NLRP7: variants seen among roughly 807,000 people sequenced by gnomAD.
NLRP7 encodes the protein NLR family pyrin domain containing 7.
Under a neutral mutation model 85.5 loss-of-function variants are expected in NLRP7, and 72 were observed. The observed-to-expected ratio is 0.84, with a 90% CI of 0.70 to 1.02. The LOEUF (loss-of-function observed/expected upper bound fraction) is 1.02. NLRP7 is among the 50% of genes least tolerant of loss of function. The probability of loss-of-function intolerance (pLI) is 0.00; values close to 1 mark genes in which losing one functional copy is unlikely to be tolerated. For missense variants in NLRP7, 1,243 were observed against 1,219.5 expected (o/e 1.02, Z -0.29); for synonymous variants, 550 against 505.2 (o/e 1.09, Z -1.19).
upstream of NLRP7, among the ~76,000 whole-genome samples, chr19:54,951,521 G>C (rs747043109): frequency 1.3e-5 from 2 of 152,036 alleles, no homozygotes; most frequent in Non-Finnish European, 2.9e-5. Flanking sequence ...CTGCACTCCA[G>C]CCTGGGTGCA....
chr19:54,935,260 C>T (rs971341475), intron 6 of NLRP7, among the ~76,000 whole-genome samples: 8 of 151,888 alleles, frequency 5.3e-5, no homozygotes, highest in African/African-American at 1.5e-4. Context: ...GACAGGATCT[C>T]GCTCTGTTGC....
chr19:54,937,900 CAAAA>C (rs59058059), intron 5 of NLRP7, 140 bp downstream of exon 5: 2,695 of 504,818 alleles, frequency 5.3e-3, no homozygotes, highest in Middle Eastern at 7.3e-3. Context: ...TCCGTCTCAC[CAAAA>C]AAAAAAAAAA....
Position 54,934,496 on chromosome 19 carries a change from T to G in NLRP7, c.2464A>C (p.Met822Leu). The stretch of plus-strand genomic sequence containing the variant: ...TGGGAAGAGGAGACTTACGACAACA[T>G]CTGCAGGAAGTGTTTTGGGCGTGTC... Residue 822 changes from methionine to leucine, a missense_variant, in exon 7 of 10, where the codon ATG becomes CTG. Met to Leu is a conservative substitution (Grantham distance 15, BLOSUM62 2). This residue lies in a region of NLRP7 where 613 missense variants were observed against 588.4 expected (regional missense o/e 1.04). Transcript: ENST00000340844. The surrounding 1 kb of genome is among the most constrained non-coding windows in gnomAD (Gnocchi z 6.7). The G allele has an allele frequency of 6.2e-7, 1 of 1,614,054 alleles. No homozygotes were observed. Among genetic ancestry groups the G allele is most frequent in the Non-Finnish European group, 8.5e-7 (1 of 1,179,970 alleles).
upstream of NLRP7, among the ~76,000 whole-genome samples, chr19:54,951,504 C>T (rs1439026727): frequency 1.3e-5 from 2 of 151,862 alleles, no homozygotes; most frequent in African/African-American, 4.8e-5. Context: ...GAGCCGAGGT[C>T]GCACGACTGC....
chr19:54,939,377 G>A (rs755546429), exon 4 of NLRP7: 3 of 1,613,994 alleles, frequency 1.9e-6, no homozygotes, highest in Admixed American at 3.3e-5. Flanking sequence ...CTTCTCCAGG[G>A]CGTAGAACAG....
chr19:54,930,551 A>G (rs1255981860), exon 9 of NLRP7: 3 of 1,612,804 alleles, frequency 1.9e-6, no homozygotes, highest in Admixed American at 1.7e-5. Context: ...CAGAGAATCC[A>G]CAATCCACGA....
At chr19:54,962,790 G>C (rs530616398) in intron 1 of NLRP7, among the ~76,000 whole-genome samples, 3 of 150,192 alleles carry the variant, frequency 2.0e-5, no homozygotes, top group Admixed American at 6.7e-5. Flanking sequence ...TAGTAGAGAC[G>C]GGGTTTCACC....
intron 1 of NLRP7, 52 bp from the exon 2 acceptor site, chr19:54,941,802 C>A: frequency 7.4e-7 from 1 of 1,343,590 alleles, no homozygotes; most frequent in Non-Finnish European, 1.0e-6. Flanking sequence ...TTAAATGAAA[C>A]CACAGTTTCC....
At chr19:54,951,370 A>G (rs2069662474), upstream of NLRP7, among the ~76,000 whole-genome samples, 1 of 152,018 alleles carries the variant, frequency 6.6e-6, no homozygotes, top group African/African-American at 2.4e-5. Context: ...AGCATGGTGA[A>G]ACTGCGTCTC....
chr19:54,940,911 A>G lies in NLRP7; in HGVS notation c.352+20T>C, dbSNP rs1427003073. On this transcript the variant is annotated intron_variant, in intron 3 of 9. Transcript: ENST00000340844. ...GCTCTCAAACACCAAACTCATGACC[A>G]TAGGACCGTATTTACCCACCTGGCT... is the stretch of plus-strand genomic sequence containing the variant. 3 of 1,482,014 alleles carry G rather than the reference A, an allele frequency of 2.0e-6. No individual in the cohort carries two copies. Among genetic ancestry groups the G allele is most frequent in the Admixed American group, 1.7e-5 (1 of 59,806 alleles). The allele number at this position is 1,482,014 out of a possible 1,614,324, so 91.8% of individuals were successfully genotyped here. A position where few individuals can be genotyped will look rare whatever the true frequency, so the allele number is the denominator to read the frequency against.
intron 1 of NLRP7, among the ~76,000 whole-genome samples, chr19:54,943,947 T>C (rs191407087): frequency 2.6e-5 from 4 of 152,248 alleles, no homozygotes; most frequent in Admixed American, 1.3e-4. Context: ...GTTAAACAGA[T>C]GCTTGAAGGC....
chr19:54,939,506 AGCCTTTCCAG>A lies in NLRP7; in HGVS notation c.1303_1312del (p.Leu435SerfsTer78). ...ACGGAGGTCGGACTCCTGCACCCCG[AGCCTTTCCAG>A]GTCCTCTCGGTGGAACACGGACATC... On this transcript the variant is annotated frameshift_variant, in exon 4 of 10. Coordinates refer to ENST00000340844, the Ensembl canonical transcript of NLRP7. LOFTEE classifies it high-confidence loss of function. 1 of 1,611,560 alleles carries A rather than the reference AGCCTTTCCAG, an allele frequency of 6.2e-7. No individual in the cohort carries two copies. Among genetic ancestry groups the A allele is most frequent in the Non-Finnish European group, 8.5e-7 (1 of 1,179,548 alleles).
At chr19:54,957,894 A>G (rs1320651447) in intron 1 of NLRP7, among the ~76,000 whole-genome samples, 1 of 152,116 alleles carries the variant, frequency 6.6e-6, no homozygotes, top group Non-Finnish European at 1.5e-5. Context: ...CCCGGTGTAC[A>G]AAGTGAGACC....
chr19:54,947,858 G>GA (rs1187748828), upstream of NLRP7: 5 of 201,270 alleles, frequency 2.5e-5, no homozygotes, highest in East Asian at 2.9e-4. Context: ...CTCTTGTAGA[G>GA]AAAAAAAATT....
At chr19:54,925,038 G>A (rs1288277314) in intron 9 of NLRP7, among the ~76,000 whole-genome samples, 2 of 152,152 alleles carry the variant, frequency 1.3e-5, no homozygotes, top group South Asian at 2.1e-4. Flanking sequence ...TGGCTCTAAC[G>A]TGGCTGCAGC....
intron 8 of NLRP7, among the ~76,000 whole-genome samples, chr19:54,932,843 G>A (rs898537323): frequency 3.3e-5 from 5 of 151,890 alleles, no homozygotes; most frequent in Non-Finnish European, 7.4e-5. Context: ...TTTTAGTAGC[G>A]ATGGGTTTTC....
intron 1 of NLRP7, among the ~76,000 whole-genome samples, chr19:54,943,552 G>GATC (rs991950286): frequency 6.9e-6 from 1 of 143,892 alleles, no homozygotes; most frequent in African/African-American, 2.5e-5. Flanking sequence ...AGTGAGCGGA[G>GATC]ATCGCGCCAC....
intron 9 of NLRP7, chr19:54,927,677 T>C (rs1386966707): frequency 1.9e-6 from 3 of 1,614,096 alleles, no homozygotes; most frequent in Non-Finnish European, 2.5e-6. Flanking sequence ...CTTCCACAAA[T>C]GATTCTGGCC....
chr19:54,946,680 C>T (rs2069491289), intron 1 of NLRP7, among the ~76,000 whole-genome samples: 1 of 151,670 alleles, frequency 6.6e-6, no homozygotes, highest in African/African-American at 2.4e-5. Flanking sequence ...CACTCTGTCT[C>T]CCAGGCTGGA....
Sources: gnomAD v4.1 joint callset for allele counts (sites outside exome capture counted in the v4.1 genomes callset) on GRCh38, gnomAD v4.1.1 for gene constraint, gnomAD v4.1.1 regional missense constraint, Gnocchi (gnomAD v3.1) non-coding constraint, MANE v1.5 for transcripts, NCBI Gene and HGNC (gene_info 2026-07-23, HGNC 2026-07-21) for gene names.